The following SMC3 variants were observed in gnomAD, a reference collection of about 807,000 sequenced individuals.
The protein encoded by SMC3 is structural maintenance of chromosomes protein 3.
Under a neutral mutation model 171.8 loss-of-function variants are expected in SMC3, and 20 were observed. The observed-to-expected ratio is 0.12, with a 90% CI of 0.08 to 0.17. SMC3 has a LOEUF of 0.17. SMC3 is among the 10% of genes least tolerant of loss of function. The probability of loss-of-function intolerance (pLI) is 1.00; values close to 1 mark genes in which losing one functional copy is unlikely to be tolerated. For missense variants in SMC3, 543 were observed against 1,420.4 expected, an observed-to-expected ratio of 0.38 and a Z score of 9.93; for synonymous variants, 464 against 451.1, an observed-to-expected ratio of 1.03 and a Z score of -0.36.
chr10:110,600,559 T>TTG lies in SMC3; in HGVS notation c.2535+14_2535+15insGT. On this transcript the variant is annotated intron_variant, in intron 22 of 28. Transcript: ENST00000361804. ...CCAAGTAGAACAGGTGTGTATGTGT[T>TTG]TTTTTTTTTTTTTTTAAGGGCTCCT... The TTG allele has an allele frequency of 1.1e-6, 1 of 881,680 alleles. No homozygotes were observed. Among genetic ancestry groups the TTG allele is most frequent in the East Asian group, 5.3e-5 (1 of 19,004 alleles). 54.6% of individuals were successfully genotyped at this position (881,680 alleles called of 1,614,324 possible). A position where few individuals can be genotyped will look rare whatever the true frequency, so the allele number is the denominator to read the frequency against.
chr10:110,599,072 T>C (rs1481917107), intron 20 of SMC3, among the ~76,000 whole-genome samples: 1 of 151,182 alleles, frequency 6.6e-6, no homozygotes, highest in Non-Finnish European at 1.5e-5. Flanking sequence ...TGCCTACAGT[T>C]GTACCATCCC....
chr10:110,568,034 C>T (rs1175679926), intron 1 of SMC3, among the ~76,000 whole-genome samples: 10 of 152,218 alleles, frequency 6.6e-5, no homozygotes, highest in Non-Finnish European at 1.0e-4. Flanking sequence ...CACTCCTTTG[C>T]AGCCCCGGCC....
chr10:110,572,625 A>G (rs1860888644), intron 2 of SMC3, among the ~76,000 whole-genome samples: 1 of 152,050 alleles, frequency 6.6e-6, no homozygotes. Context: ...CTGTGTAGGT[A>G]TTATTTTTTC....
chr10:110,589,270 A>G (rs1861172140), intron 13 of SMC3, among the ~76,000 whole-genome samples: 1 of 152,204 alleles, frequency 6.6e-6, no homozygotes, highest in Non-Finnish European at 1.5e-5. Flanking sequence ...TGGATTTTTC[A>G]ACAGCATCAT....
chr10:110,577,407 T>A lies in SMC3; in HGVS notation c.199-14T>A, dbSNP rs367585839. On this transcript the variant is annotated splice_polypyrimidine_tract_variant and intron_variant, in intron 4 of 28. Transcript: ENST00000361804. The stretch of plus-strand genomic sequence containing the variant: ...CAACTTAAATGGCAAATTTCTCACT[T>A]CTTTCATTTTTAGGAAGGTACTGGT... 1.6e-4 allele frequency: 249 copies of A among 1,599,666 alleles called. No homozygotes were observed. Among genetic ancestry groups the A allele is most frequent in the Non-Finnish European group, 2.0e-4 (235 of 1,167,232 alleles).
chr10:110,585,522 C>T (rs1590558008), intron 13 of SMC3, among the ~76,000 whole-genome samples: 1 of 151,026 alleles, frequency 6.6e-6, no homozygotes, highest in Non-Finnish European at 1.5e-5. Context: ...AACTCCTGAC[C>T]TCGAGATCCA....
chr10:110,600,509 A>C lies in SMC3; in HGVS notation c.2498A>C (p.Asn833Thr). ...ATTACTCGAGTAGAGACTTATCTCA[A>C]TGAGAATCTGAGAAAACGCTTGGAC... ...GIITRVETYL[N>T]ENLRKRLDQV... The change falls in exon 22 of 29, where the codon AAT (asparagine) becomes ACT (threonine). Residue 833 changes from asparagine to threonine, a missense_variant. Asn to Thr is a moderately conservative substitution (Grantham distance 65). Transcript: ENST00000361804. 6.3e-7 allele frequency: 1 copy of C among 1,596,100 alleles called. No individual in the cohort carries two copies. Among genetic ancestry groups the C allele is most frequent in the Non-Finnish European group, 8.6e-7 (1 of 1,163,688 alleles).
chr10:110,601,959 T>C lies in SMC3; in HGVS notation c.2893-7T>C. The C allele has an allele frequency of 6.2e-7, 1 of 1,611,900 alleles. No homozygotes were observed. Among genetic ancestry groups the C allele is most frequent in the Non-Finnish European group, 8.5e-7 (1 of 1,178,788 alleles). ...TATTTATATGAATACATATTTTCTC[T>C]TTATAGTTGTTTCGAAAACTTGAGC... On this transcript the variant is annotated splice_region_variant and splice_polypyrimidine_tract_variant and intron_variant, in intron 24 of 28. Coordinates refer to ENST00000361804, the MANE Select transcript of SMC3 (RefSeq NM_005445.4).
At chr10:110,567,900 C>G (rs1860798392) in intron 1 of SMC3, 69 bp downstream of exon 1, 2 of 1,499,664 alleles carry the variant, frequency 1.3e-6, no homozygotes, top group Non-Finnish European at 1.8e-6. Context: ...GGGAGTGTTG[C>G]GGCGCCACCC....
In SMC3 at chr10:110,593,484, A is replaced by G. The variant is rs575027505; in HGVS notation, c.1963+261A>G. 1.5e-4 allele frequency among the ~76,000 whole-genome samples: 23 copies of G among 152,150 alleles called. No individual in the cohort carries two copies. The South Asian group carries it at 2.1e-3, about 14-fold the overall frequency. On this transcript the variant is annotated intron_variant, in intron 18 of 28. Transcript: ENST00000361804. Reference sequence around the variant, plus strand: ...CTACTCAGGAGGCTGGGGCAGGAGAATTGCTTGAACCTGGGAGGCAGTGGT... The same window carrying G: ...CTACTCAGGAGGCTGGGGCAGGAGAGTTGCTTGAACCTGGGAGGCAGTGGT...
intron 17 of SMC3, among the ~76,000 whole-genome samples, chr10:110,591,359 G>T (rs1382897176): frequency 6.6e-6 from 1 of 152,116 alleles, no homozygotes; most frequent in Non-Finnish European, 1.5e-5. Flanking sequence ...CAGCTACTTG[G>T]GAGGCTGAAG....
At chr10:110,600,857 TTG>T (rs1861375015) in intron 22 of SMC3, among the ~76,000 whole-genome samples, 163 bp from the exon 23 acceptor site, 1 of 152,230 alleles carries the variant, frequency 6.6e-6, no homozygotes. Flanking sequence ...TTTCTAGTAA[TTG>T]TGTCTTTTTT....
At chr10:110,578,478 C>T (rs1320728511) in intron 6 of SMC3, 150 bp from the exon 7 acceptor site, 1 of 640,396 alleles carries the variant, frequency 1.6e-6, no homozygotes, top group Non-Finnish European at 2.8e-6. Context: ...AGAGGATAAA[C>T]ATAAGAATCA....
intron 19 of SMC3, 28 bp downstream of exon 19, chr10:110,596,578 A>G (rs1017751642): frequency 6.2e-7 from 1 of 1,605,132 alleles, no homozygotes; most frequent in Admixed American, 1.7e-5. Flanking sequence ...GCATAGTGAT[A>G]GATATTGTGG....
intron 26 of SMC3, 48 bp downstream of exon 26, chr10:110,602,713 A>C: frequency 1.3e-6 from 2 of 1,573,744 alleles, no homozygotes; most frequent in South Asian, 1.1e-5. Flanking sequence ...ACCATAATAG[A>C]ATTTATAGTA....
chr10:110,592,282 T>C (rs1371923330), intron 17 of SMC3, among the ~76,000 whole-genome samples: 2 of 150,770 alleles, frequency 1.3e-5, no homozygotes, highest in East Asian at 1.9e-4. Context: ...AAAAAAATTT[T>C]ATAGAACTGG....
rs1274165524 is a variant in SMC3, at chr10:110,589,876, A to T, written c.1410-16A>T. 6.2e-7 allele frequency: 1 copy of T among 1,608,042 alleles called. No individual in the cohort carries two copies. Among genetic ancestry groups the T allele is most frequent in the East Asian group, 2.2e-5 (1 of 44,810 alleles). ...ATGTGTTTAAAATTAAAGACAGTCT[A>T]CTTTTTATTTATTAGCTACTTGTGG... On this transcript the variant is annotated splice_polypyrimidine_tract_variant and intron_variant, in intron 14 of 28. Coordinates refer to ENST00000361804, the MANE Select transcript of SMC3 (RefSeq NM_005445.4).
Position 110,583,548 on chromosome 10 carries a change from G to T in SMC3, c.969G>T (p.Arg323Ser). The T allele has an allele frequency of 6.2e-7, 1 of 1,613,810 alleles. No homozygotes were observed. Among genetic ancestry groups the T allele is most frequent in the Non-Finnish European group, 8.5e-7 (1 of 1,179,856 alleles). ...QDELAGNSEQ[R>S]KRLLKERQKL... is the part of the protein sequence containing the mutation. Reference sequence around the variant, plus strand: ...AACTAGCAGGCAATAGTGAACAAAGGGTAAGTTAAAATGCTAAAAATGAAA... The same window carrying T: ...AACTAGCAGGCAATAGTGAACAAAGTGTAAGTTAAAATGCTAAAAATGAAA... Residue 323 changes from arginine to serine, a missense_variant and splice_region_variant, in exon 11 of 29, where the codon AGG becomes AGT. Physicochemically the swap from Arg to Ser is moderately radical, Grantham distance 110. Transcript: ENST00000361804.
chr10:110,576,392 G>T (rs578018846), intron 4 of SMC3, among the ~76,000 whole-genome samples: 14 of 152,214 alleles, frequency 9.2e-5, no homozygotes, highest in African/African-American at 3.4e-4. Flanking sequence ...CGATGATTGG[G>T]TTTTCGTGTT....
Sources: allele counts gnomAD v4.1 joint callset (sites outside exome capture counted in the v4.1 genomes callset), GRCh38; gene constraint gnomAD v4.1.1; transcripts MANE v1.5; gene names NCBI Gene and HGNC (gene_info 2026-07-23, HGNC 2026-07-21).